The following EHBP1 variants were observed in gnomAD, a reference collection of about 807,000 sequenced individuals.
EHBP1 encodes the protein EH domain-binding protein 1.
A neutral mutation model predicts 144.0 loss-of-function variants in EHBP1; 55 were observed. The observed-to-expected ratio is 0.38, with a 90% CI of 0.31 to 0.48. EHBP1 has a LOEUF of 0.48. Ranked by LOEUF, EHBP1 falls within the 20% of genes least tolerant of loss-of-function variation. The pLI is 0.98. For synonymous variants in EHBP1, 469 were observed against 472.7 expected (o/e 0.99, Z 0.10); for missense variants, 1,200 against 1,364.2 (o/e 0.88, Z 1.90).
chr2:62,908,470 T>G (rs942974606), intron 10 of EHBP1, among the ~76,000 whole-genome samples: 1 of 152,140 alleles, frequency 6.6e-6, no homozygotes, highest in African/African-American at 2.4e-5. Context: ...ACTCTGATCT[T>G]TATTACTTCC....
intron 19 of EHBP1, among the ~76,000 whole-genome samples, chr2:63,033,537 T>C (rs1386184805): frequency 1.3e-5 from 2 of 152,214 alleles, no homozygotes; most frequent in African/African-American, 4.8e-5. Flanking sequence ...TTATTTTGCA[T>C]TTATATAAGA....
At chr2:62,858,373 C>G (rs779164897) in intron 7 of EHBP1, 1 of 1,435,574 alleles carries the variant, frequency 7.0e-7, no homozygotes, top group African/African-American at 1.4e-5. Flanking sequence ...ATGACCTTAC[C>G]TTATATTTGT....
rs980886703 is a variant in EHBP1, at chr2:62,718,461, CA to C, written c.104+11171del. Among the ~76,000 whole-genome samples, 4 of 152,168 alleles carry C rather than the reference CA, an allele frequency of 2.6e-5. 1 individual carries two copies. Among genetic ancestry groups the C allele is most frequent in the African/African-American group, 9.7e-5 (4 of 41,440 alleles). On this transcript the variant is annotated intron_variant, in intron 2 of 22. Coordinates refer to ENST00000431489, the MANE Select transcript of EHBP1 (RefSeq NM_001142616.3). ...CAAATATGGAACATGTTCATCACCACAAAAAGTTTTACAGGACAGTGCTGAT... is the reference window on the plus strand; with the variant it reads ...CAAATATGGAACATGTTCATCACCACAAAAGTTTTACAGGACAGTGCTGAT...
At chr2:62,928,840 CAA>C (rs760426482) in intron 10 of EHBP1, among the ~76,000 whole-genome samples, 33 of 65,200 alleles carry the variant, frequency 5.1e-4, no homozygotes, top group Non-Finnish European at 8.3e-4. Flanking sequence ...AGACTAAGAA[CAA>C]AAAAAAAAAA....
intron 7 of EHBP1, among the ~76,000 whole-genome samples, chr2:62,851,783 A>G (rs1409521714): frequency 6.6e-6 from 1 of 151,960 alleles, no homozygotes; most frequent in Non-Finnish European, 1.5e-5. Flanking sequence ...TGAAAGTTGT[A>G]GAAGCAGAAG....
intron 5 of EHBP1, among the ~76,000 whole-genome samples, chr2:62,816,798 T>A (rs2045482563): frequency 6.6e-6 from 1 of 152,164 alleles, no homozygotes; most frequent in Non-Finnish European, 1.5e-5. Flanking sequence ...TTCCAAGGTA[T>A]TACTGAAGTG....
Position 62,948,955 on chromosome 2 carries a change from G to C in EHBP1, c.2109G>C (p.Glu703Asp). Residue 703 changes from glutamate to aspartate, a missense_variant, in exon 13 of 23, where the codon GAG becomes GAC. Physicochemically the swap from Glu to Asp is conservative, Grantham distance 45 (BLOSUM62 2). This residue lies in a region of EHBP1 where 543 missense variants were observed against 513.1 expected (regional missense o/e 1.06). Transcript: ENST00000431489. The part of the protein sequence containing the change: ...IGSNLEKEKL[E>D]NSRSLECRSD... ...GTAACTTGGAGAAAGAAAAATTAGA[G>C]AATTCCAGATCCTTAGAATGCAGAT... 1 of 1,613,984 alleles carries C rather than the reference G, an allele frequency of 6.2e-7. No homozygotes were observed. The highest frequency in any genetic ancestry group is 1.1e-5 in the South Asian group (1 of 91,064).
chr2:62,681,984 TC>T (rs2033546917), intron 1 of EHBP1, among the ~76,000 whole-genome samples: 1 of 152,336 alleles, frequency 6.6e-6, no homozygotes, highest in South Asian at 2.1e-4. Flanking sequence ...ATCTCTAAGT[TC>T]CCCTAAGTAA....
intron 5 of EHBP1, among the ~76,000 whole-genome samples, chr2:62,794,323 A>G (rs932769054): frequency 6.6e-6 from 1 of 152,102 alleles, no homozygotes; most frequent in African/African-American, 2.4e-5. Flanking sequence ...CAAAATTGCT[A>G]CAACTAGTAT....
chr2:62,991,382 G>A (rs2059407714), intron 16 of EHBP1, among the ~76,000 whole-genome samples: 7 of 151,766 alleles, frequency 4.6e-5, no homozygotes, highest in Admixed American at 3.9e-4. Flanking sequence ...AGTAAAAATA[G>A]AGGCAATATG....
At chr2:62,820,793 T>C (rs2045925110) in intron 5 of EHBP1, among the ~76,000 whole-genome samples, 1 of 124,720 alleles carries the variant, frequency 8.0e-6, no homozygotes, top group Non-Finnish European at 1.7e-5. Flanking sequence ...CACATCTAGT[T>C]GATCCATTCA....
chr2:62,884,586 T>C (rs2051760817), intron 10 of EHBP1, among the ~76,000 whole-genome samples: 1 of 152,156 alleles, frequency 6.6e-6, no homozygotes, highest in African/African-American at 2.4e-5. Flanking sequence ...TAAGATTTCA[T>C]TTGAAAAAAT....
intron 10 of EHBP1, among the ~76,000 whole-genome samples, chr2:62,906,128 A>G (rs2053792638): frequency 6.6e-6 from 1 of 151,232 alleles, no homozygotes; most frequent in Non-Finnish European, 1.5e-5. Context: ...TGTTATGTTC[A>G]AGGTTAGATT....
At chr2:62,733,042 T>C (rs2037767302) in intron 2 of EHBP1, among the ~76,000 whole-genome samples, 2 of 152,228 alleles carry the variant, frequency 1.3e-5, no homozygotes, top group Non-Finnish European at 2.9e-5. Context: ...ATATCAATCA[T>C]AGTTGTTCTA....
intron 5 of EHBP1, among the ~76,000 whole-genome samples, chr2:62,786,106 T>TC (rs1217071112): frequency 2.0e-5 from 3 of 152,208 alleles, no homozygotes; most frequent in Non-Finnish European, 4.4e-5. Flanking sequence ...GTTAAATAGA[T>TC]CAGATTATAG....
intron 1 of EHBP1, among the ~76,000 whole-genome samples, chr2:62,689,320 C>G (rs2033826664): frequency 6.6e-6 from 1 of 152,140 alleles, no homozygotes; most frequent in African/African-American, 2.4e-5. Context: ...TATGATATAT[C>G]TTCATGAAAC....
At chr2:62,818,518 CT>C (rs971124650) in intron 5 of EHBP1, among the ~76,000 whole-genome samples, 1 of 152,038 alleles carries the variant, frequency 6.6e-6, no homozygotes, top group Non-Finnish European at 1.5e-5. Context: ...AAAGTACACT[CT>C]TTGATGTTCA....
Position 62,836,162 on chromosome 2 carries a change from C to G in EHBP1, c.634+5004C>G, listed in dbSNP as rs1305297869. On this transcript the variant is annotated intron_variant, in intron 7 of 22. Transcript: ENST00000431489. ...GGAGATCTGAGAACCGGCAGACTGC[C>G]TCCTCAAATGGGTCCCTGACCCCTG... is the stretch of plus-strand genomic sequence containing the variant. Among the ~76,000 whole-genome samples, 4 of 152,266 alleles carry G rather than the reference C, an allele frequency of 2.6e-5. No individual in the cohort carries two copies. The East Asian group carries it at 5.8e-4, about 22-fold the overall frequency.
intron 8 of EHBP1, among the ~76,000 whole-genome samples, chr2:62,863,654 C>T (rs1423717875): frequency 6.6e-6 from 1 of 151,828 alleles, no homozygotes; most frequent in African/African-American, 2.4e-5. Context: ...CAGAAACCTC[C>T]TCTTTGAAAA....
Sources: gnomAD v4.1 joint callset for allele counts (sites outside exome capture counted in the v4.1 genomes callset) on GRCh38, gnomAD v4.1.1 for gene constraint, gnomAD v4.1.1 regional missense constraint, MANE v1.5 for transcripts, NCBI Gene and HGNC (gene_info 2026-07-23, HGNC 2026-07-21) for gene names.